The following GIPC1 variants were observed in gnomAD, a reference collection of about 807,000 sequenced individuals.
GIPC1 encodes GIPC PDZ domain containing family member 1.
A neutral mutation model predicts 28.5 loss-of-function variants in GIPC1; 15 were observed. The ratio of observed to expected loss-of-function variants is 0.53; its 90% CI spans 0.35 to 0.81. The LOEUF (loss-of-function observed/expected upper bound fraction) is 0.81. Ranked by LOEUF, GIPC1 falls within the 30% of genes least tolerant of loss-of-function variation. The pLI is 0.01. For synonymous variants in GIPC1, 224 were observed against 206.1 expected, an observed-to-expected ratio of 1.09 and a Z score of -0.74; for missense variants, 439 against 481.9, an observed-to-expected ratio of 0.91 and a Z score of 0.83.
chr19:14,482,547 G>T, intron 4 of GIPC1, 142 bp downstream of exon 4: 1 of 800,738 alleles, frequency 1.2e-6, no homozygotes, highest in East Asian at 2.7e-5. Context: ...ATCCAGCCCA[G>T]GCCATTGGCC....
At position 14,480,577 on chromosome 19, in the gene GIPC1, C is replaced by T. The variant is rs763550134; in HGVS notation, c.474+16G>A. 1 of 1,611,774 alleles carries T rather than the reference C, an allele frequency of 6.2e-7. No homozygotes were observed. Among genetic ancestry groups the T allele is most frequent in the East Asian group, 2.2e-5 (1 of 44,878 alleles). ...CTCACTCCCAGGCCTCCGGGGTGCC[C>T]CGTCTCCCCAGGCACCTTGATGAAG... On this transcript the variant is annotated intron_variant, in intron 5 of 8. Coordinates refer to ENST00000393033, the MANE Select transcript of GIPC1 (RefSeq NM_005716.4).
intron 3 of GIPC1, chr19:14,489,249 C>T: frequency 1.6e-6 from 1 of 635,414 alleles, no homozygotes; most frequent in South Asian, 1.8e-5. Context: ...AGGTTTGCCC[C>T]ATTGAAACTC....
At chr19:14,492,505 A>G (rs1164437893) in intron 2 of GIPC1, among the ~76,000 whole-genome samples, 1 of 152,074 alleles carries the variant, frequency 6.6e-6, no homozygotes, top group African/African-American at 2.4e-5. Flanking sequence ...ACGCTGTTTC[A>G]TCATGTTAGC....
rs1299540701 is a variant in GIPC1 at position 14,496,064 on chromosome 19, C to T, written c.-202G>A. 1.6e-5 allele frequency: 4 copies of T among 251,380 alleles called. No individual in the cohort carries two copies. The highest frequency in any genetic ancestry group is 2.4e-5 in the African/African-American group (1 of 42,220). The allele number at this position is 251,380 out of a possible 1,614,324, so 15.6% of individuals were successfully genotyped here. The stretch of plus-strand genomic sequence containing the variant: ...GCTCCGCCGCCGCCGCCGCCGCCGC[C>T]GCCGCCGCCGCTGCCTCCGCCTCCC... On this transcript the variant is annotated 5_prime_UTR_variant, in exon 1 of 9. Transcript: ENST00000393033.
chr19:14,483,083 GC>G, intron 3 of GIPC1, 77 bp from the exon 4 acceptor site: 1 of 964,642 alleles, frequency 1.0e-6, no homozygotes, highest in Non-Finnish European at 1.5e-6. Context: ...AACCATACAG[GC>G]CCAAGGAAAT....
Position 14,496,101 on chromosome 19 carries a change from G to A in GIPC1, c.-239C>T, listed in dbSNP as rs566527639. 2,830 of 219,090 alleles carry A rather than the reference G, an allele frequency of 0.013. 58 individuals are homozygous for A. The highest frequency in any genetic ancestry group is 0.017 in the Non-Finnish European group (1,999 of 116,170). 13.6% of individuals were successfully genotyped at this position (219,090 alleles called of 1,614,324 possible). A position where few individuals can be genotyped will look rare whatever the true frequency, so the allele number is the denominator to read the frequency against. On this transcript the variant is annotated 5_prime_UTR_variant, in exon 1 of 9. Coordinates refer to ENST00000393033, the MANE Select transcript of GIPC1 (RefSeq NM_005716.4). ...TGCCTCCGCCTCCCCGTGCGCACCC[G>A]GCTCGGCCCTCCGCAAACTCCAGAC...
At chr19:14,479,987 G>T in intron 6 of GIPC1, 2 of 505,056 alleles carry the variant, frequency 4.0e-6, no homozygotes, top group Non-Finnish European at 7.0e-6. Flanking sequence ...TGGAAAAGTG[G>T]GGGGGCTGGC....
rs746634726 is a variant in GIPC1, at chr19:14,478,410, G to A, written c.*6C>T. 1.2e-6 allele frequency: 2 copies of A among 1,603,954 alleles called. No individual in the cohort carries two copies. The highest frequency in any genetic ancestry group is 1.7e-6 in the Non-Finnish European group (2 of 1,175,722). On this transcript the variant is annotated 3_prime_UTR_variant, in exon 9 of 9. Transcript: ENST00000393033. The surrounding 1 kb of genome is among the most constrained non-coding windows in gnomAD (Gnocchi z 5.2). Reference sequence around the variant, plus strand: ...CGGGTCATCATCGCAGGGTCCGGGGGCAGTCCTAGTAGCGGCCGACCTTGG... The same window carrying A: ...CGGGTCATCATCGCAGGGTCCGGGGACAGTCCTAGTAGCGGCCGACCTTGG...
Position 14,478,405 on chromosome 19 carries a change from CG to C in GIPC1, c.*10del. 3.1e-6 allele frequency: 5 copies of C among 1,600,882 alleles called. No homozygotes were observed. Among genetic ancestry groups the C allele is most frequent in the South Asian group, 1.1e-5 (1 of 89,262 alleles). On this transcript the variant is annotated 3_prime_UTR_variant, in exon 9 of 9. Coordinates refer to ENST00000393033, the MANE Select transcript of GIPC1 (RefSeq NM_005716.4). This position sits in a 1 kb window ranked among gnomAD's most constrained non-coding sequence, Gnocchi z 5.2. ...GCGCCCGGGTCATCATCGCAGGGTC[CG>C]GGGGCAGTCCTAGTAGCGGCCGACC... is the stretch of plus-strand genomic sequence containing the variant.
chr19:14,491,420 G>T (rs1489011303), intron 3 of GIPC1, among the ~76,000 whole-genome samples: 1 of 151,962 alleles, frequency 6.6e-6, no homozygotes, highest in African/African-American at 2.4e-5. Flanking sequence ...CACCACACCT[G>T]GCTAATTTTT....
chr19:14,480,637 C>G lies in GIPC1; in HGVS notation c.430G>C (p.Gly144Arg), dbSNP rs761339822. The change falls in exon 5 of 9, where the codon GGG becomes CGG. Residue 144 changes from glycine to arginine, a missense_variant. Gly to Arg is a moderately radical substitution (Grantham distance 125, BLOSUM62 -2). Transcript: ENST00000393033. ...GCCCCGTTGTCCGTGATGGTGAGCC[C>G]GAGTGCATCCTCCGACTTGAACACC... ...VEVFKSEDALGLTITDNGAGY... is the reference protein window; with the variant it reads ...VEVFKSEDALRLTITDNGAGY... 6.2e-7 allele frequency: 1 copy of G among 1,614,192 alleles called. No individual in the cohort carries two copies. The highest frequency in any genetic ancestry group is 8.5e-7 in the Non-Finnish European group (1 of 1,180,016).
At position 14,480,490 on chromosome 19, in the gene GIPC1, G is replaced by T. The variant is rs1480322316; in HGVS notation, c.475-5C>A. Reference sequence around the variant, plus strand: ...CACGCTGCCCTCCTTGATGCGCTGCGGGGGCGGGGAGTCATCAGCCCTTGG... The same window carrying T: ...CACGCTGCCCTCCTTGATGCGCTGCTGGGGCGGGGAGTCATCAGCCCTTGG... On this transcript the variant is annotated splice_polypyrimidine_tract_variant and splice_region_variant and intron_variant, in intron 5 of 8. Transcript: ENST00000393033. 19 of 1,608,920 alleles carry T rather than the reference G, an allele frequency of 1.2e-5. No individual in the cohort carries two copies. The highest frequency in any genetic ancestry group is 1.5e-5 in the Non-Finnish European group (18 of 1,176,540).
In GIPC1 at chr19:14,483,007, C is replaced by G. The variant is rs750856821; in HGVS notation, c.-30-1G>C. The G allele has an allele frequency of 6.2e-7, 1 of 1,600,020 alleles. No homozygotes were observed. Among genetic ancestry groups the G allele is most frequent in the Non-Finnish European group, 8.5e-7 (1 of 1,176,888 alleles). On this transcript the variant is annotated splice_acceptor_variant, in intron 3 of 8. Coordinates refer to ENST00000393033, the MANE Select transcript of GIPC1 (RefSeq NM_005716.4). LOFTEE classifies it low-confidence loss of function (5UTR_SPLICE). ...GCGAGAAGTGGGGTCACCAGAAGAT[C>G]TGCAGGACAGGAAGTGGGGCTCAGG...
chr19:14,486,923 A>T (rs2071857563), intron 3 of GIPC1, among the ~76,000 whole-genome samples: 1 of 151,734 alleles, frequency 6.6e-6, no homozygotes, highest in Non-Finnish European at 1.5e-5. Flanking sequence ...GGCATGAGCC[A>T]CCGCGCCCGG....
chr19:14,483,760 T>TAAC (rs1299472657), intron 3 of GIPC1, among the ~76,000 whole-genome samples: 2 of 25,822 alleles, frequency 7.7e-5, no homozygotes, highest in Non-Finnish European at 1.8e-4. Context: ...ATAATAATAA[T>TAAC]AATAATAATA....
At chr19:14,483,636 T>A (rs1444226457) in intron 3 of GIPC1, 7 of 151,268 alleles carry the variant, frequency 4.6e-5, no homozygotes, top group African/African-American at 1.7e-4. Flanking sequence ...GTAATCTCAG[T>A]GATTCAAGAG....
At chr19:14,481,450 C>T (rs1307782420) in intron 4 of GIPC1, among the ~76,000 whole-genome samples, 1 of 152,066 alleles carries the variant, frequency 6.6e-6, no homozygotes, top group Non-Finnish European at 1.5e-5. Context: ...GTGCCAGGTG[C>T]GGTGGCTCAC....
At chr19:14,491,262 A>G (rs1282805610) in intron 3 of GIPC1, among the ~76,000 whole-genome samples, 5 of 150,658 alleles carry the variant, frequency 3.3e-5, no homozygotes, top group Non-Finnish European at 4.4e-5. Flanking sequence ...GCCGCATCCA[A>G]TCTTTTTTTT....
In GIPC1 at chr19:14,480,592, C is replaced by T; in HGVS notation, c.474+1G>A. ...CCGGGGTGCCCCGTCTCCCCAGGCACCTTGATGAAGGCGTAGCCAGCCCCG... is the reference window on the plus strand; with the variant it reads ...CCGGGGTGCCCCGTCTCCCCAGGCATCTTGATGAAGGCGTAGCCAGCCCCG... On this transcript the variant is annotated splice_donor_variant, in intron 5 of 8. Coordinates refer to ENST00000393033, the MANE Select transcript of GIPC1 (RefSeq NM_005716.4). LOFTEE classifies it high-confidence loss of function. The T allele has an allele frequency of 1.9e-6, 3 of 1,613,656 alleles. No homozygotes were observed. Among genetic ancestry groups the T allele is most frequent in the Non-Finnish European group, 2.5e-6 (3 of 1,179,688 alleles).
Sources: allele counts gnomAD v4.1 joint callset (sites outside exome capture counted in the v4.1 genomes callset), GRCh38; gene constraint gnomAD v4.1.1; non-coding constraint Gnocchi (gnomAD v3.1); transcripts MANE v1.5; gene names NCBI Gene and HGNC (gene_info 2026-07-23, HGNC 2026-07-21).